The following ADCY9 variants were observed in gnomAD, a reference collection of about 807,000 sequenced individuals.
ADCY9 encodes the protein adenylate cyclase 9, also known as adenylate cyclase type 9.
ADCY9 carries 50 observed loss-of-function variants against 101.5 expected under a neutral mutation model. The observed-to-expected ratio is 0.49, with a 90% CI of 0.39 to 0.62. ADCY9 has a LOEUF of 0.62. Ranked by LOEUF, ADCY9 falls within the 20% of genes least tolerant of loss-of-function variation. ADCY9 has a pLI of 0.00. For synonymous variants in ADCY9, 905 were observed against 769.3 expected (o/e 1.18, Z -2.92); for missense variants, 1,662 against 1,800.4 (o/e 0.92, Z 1.39).
intron 6 of ADCY9, among the ~76,000 whole-genome samples, chr16:3,987,739 G>T (rs939805633): frequency 6.6e-6 from 1 of 152,180 alleles, no homozygotes; most frequent in Non-Finnish European, 1.5e-5. Flanking sequence ...CCCAAGCCAG[G>T]ACACCACGGA....
At chr16:4,110,668 G>C (rs568416325) in intron 2 of ADCY9, among the ~76,000 whole-genome samples, 97 of 152,284 alleles carry the variant, frequency 6.4e-4, no homozygotes, top group Non-Finnish European at 1.0e-3. Flanking sequence ...GGGATTACAG[G>C]CATGAGCCAC....
chr16:4,065,681 G>C (rs181693883), intron 2 of ADCY9, among the ~76,000 whole-genome samples: 102 of 152,280 alleles, frequency 6.7e-4, no homozygotes, highest in Middle Eastern at 3.4e-3. Context: ...AAGCAATTCT[G>C]CCTCAGCCTC....
At chr16:4,075,967 T>G (rs1461300436) in intron 2 of ADCY9, among the ~76,000 whole-genome samples, 3 of 152,212 alleles carry the variant, frequency 2.0e-5, no homozygotes, top group Non-Finnish European at 4.4e-5. Flanking sequence ...GTTATTTCTT[T>G]AAGTGACAGA....
chr16:4,018,647 G>A (rs1289221683), intron 2 of ADCY9, among the ~76,000 whole-genome samples: 1 of 152,168 alleles, frequency 6.6e-6, no homozygotes, highest in African/African-American at 2.4e-5. Flanking sequence ...GCACATGCTT[G>A]CTGTGAATTT....
intron 10 of ADCY9, among the ~76,000 whole-genome samples, chr16:3,974,144 C>T (rs943918311): frequency 6.6e-6 from 1 of 152,208 alleles, no homozygotes; most frequent in African/African-American, 2.4e-5. Flanking sequence ...CGGGTTCACG[C>T]CATTCTCCCG....
intron 2 of ADCY9, among the ~76,000 whole-genome samples, chr16:4,086,073 G>A (rs1039100135): frequency 1.3e-4 from 20 of 152,020 alleles, no homozygotes; most frequent in African/African-American, 4.1e-4. Flanking sequence ...GTAGGCAGAC[G>A]GCCGCGCGGA....
intron 2 of ADCY9, among the ~76,000 whole-genome samples, chr16:4,090,669 G>A (rs2141188588): frequency 6.6e-6 from 1 of 151,662 alleles, no homozygotes; most frequent in African/African-American, 2.4e-5. Flanking sequence ...TAGACGGTGT[G>A]GATTCATTTG....
At chr16:4,050,169 C>T (rs2056691655) in intron 2 of ADCY9, among the ~76,000 whole-genome samples, 1 of 151,522 alleles carries the variant, frequency 6.6e-6, no homozygotes, top group Non-Finnish European at 1.5e-5. Context: ...ATACAAGGGT[C>T]AATAAATAAA....
Position 3,966,618 on chromosome 16 carries a change from C to T in ADCY9, c.3219G>A (p.Glu1073=), listed in dbSNP as rs754638169. The T allele has an allele frequency of 2.5e-6, 4 of 1,614,202 alleles. No homozygotes were observed. Among genetic ancestry groups the T allele is most frequent in the South Asian group, 1.1e-5 (1 of 91,086 alleles). Residue 1073 remains glutamate, a synonymous_variant, in exon 11 of 11, where the codon GAG becomes GAA. Coordinates refer to ENST00000294016, the MANE Select transcript of ADCY9 (RefSeq NM_001116.4). ...SIVNFSEFYE[E]NYEGGKECYR... ...AGCACTCCTTGCCGCCCTCGTAGTT[C>T]TCCTCGTAGAACTCGCTGAAGTTGA...
At position 4,100,244 on chromosome 16, in the gene ADCY9, A is replaced by G. The variant is rs146511537; in HGVS notation, c.1693+13506T>C. ...TCCTTCATCTTCTGCCATGATTGTAAGTTTCCTGACGCCTCCCCAGCCATG... is the reference window on the plus strand; with the variant it reads ...TCCTTCATCTTCTGCCATGATTGTAGGTTTCCTGACGCCTCCCCAGCCATG... On this transcript the variant is annotated intron_variant, in intron 2 of 10. Coordinates refer to ENST00000294016, the MANE Select transcript of ADCY9 (RefSeq NM_001116.4). Among the ~76,000 whole-genome samples the G allele has an allele frequency of 8.0e-3, 1,215 of 152,134 alleles. 5 individuals are homozygous for G. Among genetic ancestry groups the G allele is most frequent in the Non-Finnish European group, 0.012 (797 of 68,004 alleles).
intron 3 of ADCY9, among the ~76,000 whole-genome samples, chr16:3,997,215 C>T (rs1168372464): frequency 5.3e-5 from 8 of 152,204 alleles, no homozygotes; most frequent in African/African-American, 1.4e-4. Flanking sequence ...GTGCCCCCCA[C>T]GGCACACTGG....
At chr16:4,096,600 A>C (rs190144849) in intron 2 of ADCY9, among the ~76,000 whole-genome samples, 145 of 152,352 alleles carry the variant, frequency 9.5e-4, no homozygotes, top group African/African-American at 3.3e-3. Context: ...CCTTATGGGA[A>C]AAAGAACTCA....
intron 2 of ADCY9, among the ~76,000 whole-genome samples, chr16:4,100,935 G>A (rs2057039230): frequency 6.6e-6 from 1 of 152,116 alleles, no homozygotes; most frequent in South Asian, 2.1e-4. Context: ...GCTAAAGACA[G>A]GTATCGTTGT....
intron 2 of ADCY9, among the ~76,000 whole-genome samples, chr16:4,088,528 G>T (rs1009158743): frequency 6.6e-6 from 1 of 151,986 alleles, no homozygotes; most frequent in Admixed American, 6.6e-5. Context: ...GAGCTCAAGC[G>T]ATCTGCCCAC....
intron 2 of ADCY9, among the ~76,000 whole-genome samples, chr16:4,109,138 TTA>T (rs1051055574): frequency 2.0e-5 from 3 of 152,184 alleles, no homozygotes; most frequent in African/African-American, 7.2e-5. Context: ...CCTTCCTGCT[TTA>T]TGTTTGTTCA....
In ADCY9 at chr16:4,115,327, G is replaced by A. The variant is rs761074346; in HGVS notation, c.116C>T (p.Ser39Phe). The change falls in exon 2 of 11, where the codon TCC becomes TTC. Residue 39 changes from serine (S) to phenylalanine (F), a missense_variant. Around this residue, in one of 5 missense-constraint regions of ADCY9, gnomAD observed 422 missense variants for 392.0 expected, o/e 1.08. Coordinates refer to ENST00000294016, the MANE Select transcript of ADCY9 (RefSeq NM_001116.4). The surrounding 1 kb of genome is among the most constrained non-coding windows in gnomAD (Gnocchi z 6.2). ...RVKINPKQLS[S>F]NSHPKHCKYS... ...TTTGCAGTGCTTGGGGTGGCTGTTG[G>A]AGGACAGCTGCTTGGGGTTGATCTT... 14 of 1,613,542 alleles carry A rather than the reference G, an allele frequency of 8.7e-6. No individual in the cohort carries two copies. The Admixed American group carries it at 2.3e-4, about 27-fold the overall frequency.
intron 7 of ADCY9, among the ~76,000 whole-genome samples, chr16:3,981,212 C>T (rs1406686976): frequency 6.6e-6 from 1 of 152,234 alleles, no homozygotes. Flanking sequence ...GGGAGTATGT[C>T]TGTGCAGGCA....
intron 10 of ADCY9, among the ~76,000 whole-genome samples, chr16:3,969,612 ATTTT>A (rs58096084): frequency 7.1e-5 from 5 of 70,894 alleles, no homozygotes; most frequent in Admixed American, 1.6e-4. Context: ...ATATATATGT[ATTTT>A]TTTTTTTTTT....
At chr16:4,097,498 A>ACC (rs2057012932) in intron 2 of ADCY9, among the ~76,000 whole-genome samples, 1 of 127,382 alleles carries the variant, frequency 7.9e-6, no homozygotes, top group African/African-American at 3.0e-5. Flanking sequence ...ACACACACAC[A>ACC]CACTATATAT....
Sources: gnomAD v4.1 joint callset for allele counts (sites outside exome capture counted in the v4.1 genomes callset) on GRCh38, gnomAD v4.1.1 for gene constraint, gnomAD v4.1.1 regional missense constraint, Gnocchi (gnomAD v3.1) non-coding constraint, MANE v1.5 for transcripts, NCBI Gene and HGNC (gene_info 2026-07-23, HGNC 2026-07-21) for gene names.